The following CNTN5 variants were observed in gnomAD, a reference collection of about 807,000 sequenced individuals.
CNTN5 encodes contactin 5.
In CNTN5, 77 loss-of-function variants were observed where a neutral mutation model predicts 129.1. The ratio of observed to expected loss-of-function variants is 0.60; its 90% CI spans 0.50 to 0.72. The LOEUF is 0.72. Ranked by LOEUF, CNTN5 falls within the 30% of genes least tolerant of loss-of-function variation. CNTN5 has a pLI of 0.00. For synonymous variants in CNTN5, 509 were observed against 465.6 expected, an observed-to-expected ratio of 1.09 and a Z score of -1.20; for missense variants, 1,478 against 1,328.8, an observed-to-expected ratio of 1.11 and a Z score of -1.75.
At chr11:99,204,606 T>C (rs140665681) in intron 1 of CNTN5, among the ~76,000 whole-genome samples, 3 of 152,156 alleles carry the variant, frequency 2.0e-5, no homozygotes, top group East Asian at 1.9e-4. Context: ...ACAAAAGTTA[T>C]GTCAGCATCA....
intron 16 of CNTN5, among the ~76,000 whole-genome samples, chr11:100,237,134 A>G (rs1177047071): frequency 6.7e-6 from 1 of 149,332 alleles, no homozygotes; most frequent in Non-Finnish European, 1.5e-5. Flanking sequence ...GCTTGCAGTG[A>G]GCCGAGATCA....
intron 8 of CNTN5, among the ~76,000 whole-genome samples, chr11:99,963,515 A>G (rs1468272826): frequency 1.3e-5 from 2 of 152,080 alleles, no homozygotes; most frequent in Admixed American, 6.6e-5. Flanking sequence ...CTGTTGGTCT[A>G]TATCTCTGTT....
At chr11:100,106,866 G>A (rs1034600009) in intron 13 of CNTN5, among the ~76,000 whole-genome samples, 3 of 152,050 alleles carry the variant, frequency 2.0e-5, no homozygotes, top group Admixed American at 6.6e-5. Context: ...TGAGACAAAA[G>A]TAAAATATCC....
intron 7 of CNTN5, among the ~76,000 whole-genome samples, chr11:99,951,122 G>A (rs1382649402): frequency 1.3e-5 from 2 of 152,006 alleles, no homozygotes; most frequent in African/African-American, 4.8e-5. Context: ...TTTCCTAAAG[G>A]TCATGTAGTT....
At chr11:99,984,353 GGAAAA>G (rs1169975642) in intron 8 of CNTN5, among the ~76,000 whole-genome samples, 1 of 150,764 alleles carries the variant, frequency 6.6e-6, no homozygotes, top group Non-Finnish European at 1.5e-5. Context: ...AATGAGAAAA[GGAAAA>G]GGAAAGGAAA....
At chr11:99,934,261 C>A (rs1469164884) in intron 7 of CNTN5, among the ~76,000 whole-genome samples, 1 of 152,092 alleles carries the variant, frequency 6.6e-6, no homozygotes, top group Non-Finnish European at 1.5e-5. Flanking sequence ...TATTTACTTG[C>A]TTTTTCTTTC....
rs1469774676 is a variant in CNTN5 at position 99,428,454 on chromosome 11, G to C, written c.-71+102970G>C. Among the ~76,000 whole-genome samples, 2 of 151,334 alleles carry C rather than the reference G, an allele frequency of 1.3e-5. 1 individual carries two copies. The highest frequency in any genetic ancestry group is 2.9e-5 in the Non-Finnish European group (2 of 67,914). ...CATGTCCCTGTAGTCCCACCTATTT[G>C]GGAGGTTAAGGTGAGAGATCTCTTG... On this transcript the variant is annotated intron_variant, in intron 2 of 24. Coordinates refer to ENST00000524871, the MANE Select transcript of CNTN5 (RefSeq NM_014361.4).
chr11:99,939,089 C>A (rs1167368213), intron 7 of CNTN5, among the ~76,000 whole-genome samples: 4 of 151,748 alleles, frequency 2.6e-5, no homozygotes, highest in Non-Finnish European at 5.9e-5. Flanking sequence ...TTTCTGTATT[C>A]TAAAAAAAAT....
intron 1 of CNTN5, among the ~76,000 whole-genome samples, chr11:99,299,221 A>C (rs1401084491): frequency 1.3e-5 from 2 of 152,306 alleles, no homozygotes; most frequent in East Asian, 3.9e-4. Context: ...TATTGGTCTT[A>C]CTAGACAAAA....
chr11:100,251,504 G>T (rs1329686059), intron 16 of CNTN5, among the ~76,000 whole-genome samples: 3 of 151,956 alleles, frequency 2.0e-5, no homozygotes, highest in Admixed American at 6.6e-5. Context: ...GTGGTCTATA[G>T]CCCTAGAACT....
intron 16 of CNTN5, among the ~76,000 whole-genome samples, chr11:100,238,079 T>G (rs1173966705): frequency 1.3e-5 from 2 of 152,074 alleles, no homozygotes; most frequent in Middle Eastern, 3.2e-3. Flanking sequence ...AAAGTAAAGG[T>G]GCATAAATTC....
intron 1 of CNTN5, among the ~76,000 whole-genome samples, chr11:99,229,541 A>AAAC (rs113130533): frequency 0.12 from 17,772 of 143,542 alleles, 1,233 homozygotes; most frequent in South Asian, 0.15. Flanking sequence ...AAAAAAAAAA[A>AAAC]AGGACACAGC....
At chr11:100,067,137 T>A (rs1403756063) in intron 10 of CNTN5, among the ~76,000 whole-genome samples, 1 of 152,124 alleles carries the variant, frequency 6.6e-6, no homozygotes, top group Non-Finnish European at 1.5e-5. Context: ...GTATTGAACA[T>A]AACCTACATT....
chr11:99,697,794 T>A (rs1018558362), intron 3 of CNTN5, among the ~76,000 whole-genome samples: 1 of 151,700 alleles, frequency 6.6e-6, no homozygotes, highest in African/African-American at 2.4e-5. Flanking sequence ...TACTATCTTT[T>A]AAATTTTTCT....
intron 2 of CNTN5, among the ~76,000 whole-genome samples, chr11:99,377,216 G>A (rs1591595833): frequency 6.6e-6 from 1 of 152,056 alleles, no homozygotes; most frequent in South Asian, 2.1e-4. Flanking sequence ...AAAAGCAGTA[G>A]TCTCTCATAT....
chr11:100,296,575 C>G (rs1944177), intron 18 of CNTN5, among the ~76,000 whole-genome samples: 62,121 of 151,298 alleles, frequency 0.41, 14,366 homozygotes, highest in Non-Finnish European at 0.53. Flanking sequence ...AAGGGCCAAA[C>G]GATACTGAAA....
At chr11:100,258,772 C>A (rs545704206) in intron 17 of CNTN5, among the ~76,000 whole-genome samples, 2 of 152,140 alleles carry the variant, frequency 1.3e-5, no homozygotes, top group Non-Finnish European at 2.9e-5. Context: ...ACCAGGCCTG[C>A]CTTACAAGAG....
At chr11:99,888,957 A>G (rs534846110) in intron 6 of CNTN5, among the ~76,000 whole-genome samples, 1 of 149,014 alleles carries the variant, frequency 6.7e-6, no homozygotes, top group Non-Finnish European at 1.5e-5. Context: ...TTCGTATAAA[A>G]TGCTTAACAT....
chr11:99,730,712 C>G lies in CNTN5; in HGVS notation c.56-88832C>G, dbSNP rs533631262. ...TAACATTTCTACATATTTACGGAAACGTGATGATGCATGCATACAATGTAT... is the reference window on the plus strand; with the variant it reads ...TAACATTTCTACATATTTACGGAAAGGTGATGATGCATGCATACAATGTAT... On this transcript the variant is annotated intron_variant, in intron 3 of 24. Transcript: ENST00000524871. 5.1e-4 allele frequency among the ~76,000 whole-genome samples: 78 copies of G among 152,194 alleles called. No homozygotes were observed. The South Asian group carries it at 0.016, about 31-fold the overall frequency.
Sources: allele counts gnomAD v4.1 joint callset (sites outside exome capture counted in the v4.1 genomes callset), GRCh38; gene constraint gnomAD v4.1.1; transcripts MANE v1.5; gene names NCBI Gene and HGNC (gene_info 2026-07-23, HGNC 2026-07-21).